The following CLIC5 variants were observed in gnomAD, a reference collection of about 807,000 sequenced individuals.
CLIC5 encodes CLIC family member 5.
In CLIC5, 20 loss-of-function variants were observed where a neutral mutation model predicts 24.7. The observed-to-expected ratio is 0.81, with a 90% CI of 0.57 to 1.18. CLIC5 has a LOEUF of 1.18. Among genes scored for constraint, CLIC5 ranks in the 50% most tolerant of loss-of-function variants. The probability of loss-of-function intolerance (pLI) is 0.00; values close to 1 mark genes in which losing one functional copy is unlikely to be tolerated. For synonymous variants in CLIC5, 159 were observed against 135.6 expected (o/e 1.17, Z -1.20); for missense variants, 341 against 326.1 (o/e 1.05, Z -0.35).
intron 1 of CLIC5, among the ~76,000 whole-genome samples, chr6:45,980,527 A>G (rs1049679562): frequency 6.6e-6 from 1 of 152,122 alleles, no homozygotes. Context: ...GAATTTACCC[A>G]TGTAACAAAC....
intron 1 of CLIC5, among the ~76,000 whole-genome samples, chr6:46,054,959 A>G (rs1338970567): frequency 6.6e-6 from 1 of 152,196 alleles, no homozygotes; most frequent in African/African-American, 2.4e-5. Context: ...TGTCTTCACA[A>G]AGGGTCCTTT....
chr6:45,884,534 G>C (rs1471133974), intron 6 of CLIC5, among the ~76,000 whole-genome samples: 1 of 152,180 alleles, frequency 6.6e-6, no homozygotes, highest in Non-Finnish European at 1.5e-5. Context: ...TCTCTCATTG[G>C]CTGGAACTGG....
At chr6:46,091,114 C>A in the CLIC5 span, among the ~76,000 whole-genome samples, 2 of 152,152 alleles carry the variant, frequency 1.3e-5, no homozygotes, top group Non-Finnish European at 2.9e-5. Flanking sequence ...CTTCTTTGAG[C>A]GATTAAGCTC....
intron 1 of CLIC5, chr6:46,079,641 A>T: frequency 7.1e-7 from 1 of 1,403,554 alleles, no homozygotes; most frequent in Non-Finnish European, 9.7e-7. Context: ...ATTCAGAGCA[A>T]AATAAAACAC....
rs540035526 is a variant in CLIC5, at chr6:45,906,154, A to C, written c.589-2899T>G. ...TGAAGTCAGGTAATGTGACACCTCC[A>C]GCTTTGTTCTTTTTGCGTAGGGTGG... On this transcript the variant is annotated intron_variant, in intron 5 of 5. Coordinates refer to ENST00000339561, the MANE Select transcript of CLIC5 (RefSeq NM_016929.5). Among the ~76,000 whole-genome samples, 5 of 152,306 alleles carry C rather than the reference A, an allele frequency of 3.3e-5. No homozygotes were observed. The East Asian group carries it at 7.7e-4, about 23-fold the overall frequency.
intron 1 of CLIC5, chr6:46,079,680 T>G: frequency 6.5e-7 from 1 of 1,539,234 alleles, no homozygotes; most frequent in South Asian, 1.2e-5. Flanking sequence ...GAACAGGGTA[T>G]GCCTGTCAGA....
chr6:46,033,373 A>T (rs1246576942), intron 1 of CLIC5, among the ~76,000 whole-genome samples: 1 of 152,128 alleles, frequency 6.6e-6, no homozygotes, highest in African/African-American at 2.4e-5. Context: ...ATTTGTAAAA[A>T]TGGTTTCCTG....
At chr6:46,118,451 G>A in the CLIC5 span, among the ~76,000 whole-genome samples, 2 of 152,134 alleles carry the variant, frequency 1.3e-5, no homozygotes, top group African/African-American at 2.4e-5. Context: ...GAATATTTAT[G>A]GGGCACAACA....
At chr6:45,958,871 G>A (rs1365186439) in intron 1 of CLIC5, among the ~76,000 whole-genome samples, 1 of 152,074 alleles carries the variant, frequency 6.6e-6, no homozygotes, top group African/African-American at 2.4e-5. Context: ...TGCATGCTGA[G>A]GGGAGGGTGA....
At chr6:46,084,099 C>T (rs1486909025), upstream of CLIC5, among the ~76,000 whole-genome samples, 1 of 151,840 alleles carries the variant, frequency 6.6e-6, no homozygotes, top group Non-Finnish European at 1.5e-5. Flanking sequence ...GATTGCAACC[C>T]CTGCCTTTTT....
At chr6:46,032,861 C>G (rs62400489) in intron 1 of CLIC5, among the ~76,000 whole-genome samples, 1 of 145,868 alleles carries the variant, frequency 6.9e-6, no homozygotes, top group East Asian at 1.9e-4. Flanking sequence ...GTGAGGGGAG[C>G]AGAGGAAGCA....
chr6:45,940,911 C>T (rs542708726), intron 4 of CLIC5, among the ~76,000 whole-genome samples: 2 of 152,294 alleles, frequency 1.3e-5, no homozygotes, highest in South Asian at 2.1e-4. Flanking sequence ...GTGAGCATAA[C>T]TGGGGGGGAC....
the CLIC5 span, among the ~76,000 whole-genome samples, chr6:46,108,558 G>C: frequency 6.6e-6 from 1 of 151,902 alleles, no homozygotes; most frequent in East Asian, 1.9e-4. Context: ...CACCACACTT[G>C]GCTGATTTTT....
intron 1 of CLIC5, among the ~76,000 whole-genome samples, chr6:46,074,315 G>T (rs1034509706): frequency 6.6e-6 from 1 of 152,082 alleles, no homozygotes; most frequent in Non-Finnish European, 1.5e-5. Context: ...GGATTATGTT[G>T]AGTGCCCCAT....
intron 4 of CLIC5, among the ~76,000 whole-genome samples, chr6:45,932,139 C>A (rs1452018741): frequency 2.0e-5 from 3 of 152,086 alleles, no homozygotes; most frequent in Non-Finnish European, 4.4e-5. Flanking sequence ...TAGACGGAGT[C>A]TCATTCTGTC....
At chr6:45,969,527 G>A (rs992072174) in intron 1 of CLIC5, among the ~76,000 whole-genome samples, 1 of 142,758 alleles carries the variant, frequency 7.0e-6, no homozygotes, top group African/African-American at 2.6e-5. Context: ...CTTTTCCAAG[G>A]CCACATAGAC....
rs1286754825 is a variant in CLIC5 at position 45,900,973 on chromosome 6, G to A, written c.*2115C>T. 1 of 152,138 alleles carries A rather than the reference G, an allele frequency of 6.6e-6. No homozygotes were observed. The highest frequency in any genetic ancestry group is 1.9e-4 in the East Asian group (1 of 5,186). The allele number at this position is 152,138 out of a possible 1,614,324, so 9.4% of individuals were successfully genotyped here. A position where few individuals can be genotyped will look rare whatever the true frequency, so the allele number is the denominator to read the frequency against. On this transcript the variant is annotated 3_prime_UTR_variant, in exon 6 of 6. Coordinates refer to ENST00000339561, the MANE Select transcript of CLIC5 (RefSeq NM_016929.5). Reference sequence around the variant, plus strand: ...TGGTTCTGTTTTCTCTGTGGCAATTGGCTATGATTCACAGATGTGTTTCCA... The same window carrying A: ...TGGTTCTGTTTTCTCTGTGGCAATTAGCTATGATTCACAGATGTGTTTCCA...
intron 1 of CLIC5, among the ~76,000 whole-genome samples, chr6:45,964,437 T>A (rs1385037274): frequency 6.6e-6 from 1 of 152,072 alleles, no homozygotes; most frequent in East Asian, 1.9e-4. Flanking sequence ...CCTGGATGAA[T>A]GGAATATGGC....
intron 5 of CLIC5, among the ~76,000 whole-genome samples, chr6:45,910,116 G>A (rs1374461337): frequency 1.3e-5 from 2 of 152,094 alleles, no homozygotes; most frequent in Admixed American, 6.5e-5. Context: ...TCTGAATCAT[G>A]ATTACTGTTT....
Sources: allele counts gnomAD v4.1 joint callset (sites outside exome capture counted in the v4.1 genomes callset), GRCh38; gene constraint gnomAD v4.1.1; transcripts MANE v1.5; gene names NCBI Gene and HGNC (gene_info 2026-07-23, HGNC 2026-07-21).